USP43: variants seen among roughly 807,000 people sequenced by gnomAD.
The protein encoded by USP43 is ubiquitin carboxyl-terminal hydrolase 43.
USP43 carries 33 observed loss-of-function variants against 90.7 expected under a neutral mutation model. That is an observed-to-expected ratio of 0.36 (90% CI 0.28 to 0.49). The LOEUF (loss-of-function observed/expected upper bound fraction) is 0.49. Among genes scored for constraint, USP43 ranks in the 20% least tolerant of loss-of-function variants. The pLI is 0.98. For missense variants in USP43, 1,274 were observed against 1,476.4 expected, an observed-to-expected ratio of 0.86 and a Z score of 2.25; for synonymous variants, 598 against 615.8, an observed-to-expected ratio of 0.97 and a Z score of 0.43.
At chr17:9,687,387 TG>T (rs1353846465) in intron 8 of USP43, among the ~76,000 whole-genome samples, 4 of 152,212 alleles carry the variant, frequency 2.6e-5, no homozygotes, top group Admixed American at 6.5e-5. Context: ...AAAATTAAAA[TG>T]GATGATTATG....
chr17:9,681,317 T>A (rs1467768404), intron 6 of USP43, among the ~76,000 whole-genome samples: 3 of 108,034 alleles, frequency 2.8e-5, no homozygotes, highest in Non-Finnish European at 5.2e-5. Flanking sequence ...TAAATATATA[T>A]AAATATATAT....
intron 12 of USP43, among the ~76,000 whole-genome samples, chr17:9,708,517 G>A (rs565057402): frequency 8.5e-5 from 13 of 152,284 alleles, no homozygotes; most frequent in South Asian, 4.1e-4. Flanking sequence ...GGTGTGGGGC[G>A]GAACGGAAAA....
intron 1 of USP43, among the ~76,000 whole-genome samples, chr17:9,655,111 G>T (rs1476325324): frequency 4.3e-5 from 3 of 69,734 alleles, no homozygotes; most frequent in Non-Finnish European, 5.9e-5. Context: ...AAAAAAAAAA[G>T]CCCAGACTGC....
intron 12 of USP43, among the ~76,000 whole-genome samples, chr17:9,703,146 A>G (rs371960626): frequency 9.2e-5 from 14 of 151,706 alleles, no homozygotes; most frequent in African/African-American, 2.4e-4. Context: ...TGAGGCCCAT[A>G]TATATATTGG....
Position 9,677,157 on chromosome 17 carries a change from C to T in USP43, c.969+276C>T, listed in dbSNP as rs376298563. ...CAGCAATAGCTACCCCTAGGTAGTG[C>T]TTACTAAGTGTGGGGCACTATTCTG... is the stretch of plus-strand genomic sequence containing the variant. On this transcript the variant is annotated intron_variant, in intron 5 of 14. Coordinates refer to ENST00000285199, the MANE Select transcript of USP43 (RefSeq NM_153210.5). Among the ~76,000 whole-genome samples, 62 of 152,286 alleles carry T rather than the reference C, an allele frequency of 4.1e-4. 1 individual carries two copies. In the East Asian group the frequency reaches 8.7e-3, roughly 21 times the overall value.
At position 9,686,040 on chromosome 17, in the gene USP43, G is replaced by A. The variant is rs770378303; in HGVS notation, c.1242-758G>A. On this transcript the variant is annotated intron_variant, in intron 7 of 14. Transcript: ENST00000285199. The surrounding 1 kb of genome is among the most constrained non-coding windows in gnomAD (Gnocchi z 5.5). ...ACATTAACTTTTTTAGATTCCACAT[G>A]AGGGAGTACATGCAGTATTTATCTT... 3.3e-5 allele frequency among the ~76,000 whole-genome samples: 5 copies of A among 152,090 alleles called. No homozygotes were observed. Among genetic ancestry groups the A allele is most frequent in the Non-Finnish European group, 7.4e-5 (5 of 68,026 alleles).
At chr17:9,710,944 C>T (rs1209525639) in intron 13 of USP43, among the ~76,000 whole-genome samples, 2 of 151,622 alleles carry the variant, frequency 1.3e-5, no homozygotes, top group Non-Finnish European at 2.9e-5. Flanking sequence ...AAAAATTAAG[C>T]AGATTTTCTC....
At chr17:9,675,718 G>A (rs1473009939) in intron 4 of USP43, among the ~76,000 whole-genome samples, 5 of 152,156 alleles carry the variant, frequency 3.3e-5, no homozygotes, top group African/African-American at 4.8e-5. Context: ...GCCTTGCTTG[G>A]CAACTCAATC....
At chr17:9,646,354 G>A (rs117891800) in intron 1 of USP43, among the ~76,000 whole-genome samples, 12 of 152,324 alleles carry the variant, frequency 7.9e-5, no homozygotes, top group Non-Finnish European at 1.8e-4. Flanking sequence ...AGAGGGAGTG[G>A]GGTGAGCTGG....
rs531172211 is a variant in USP43 at position 9,677,213 on chromosome 17, C to T, written c.969+332C>T. 2.0e-5 allele frequency among the ~76,000 whole-genome samples: 3 copies of T among 152,336 alleles called. No individual in the cohort carries two copies. The East Asian group carries it at 5.8e-4, about 29-fold the overall frequency. ...TTTCTATTCATGCCTGATTTAATCA[C>T]AGGCGTCCTGTGAAGTAGACATTAC... is the stretch of plus-strand genomic sequence containing the variant. On this transcript the variant is annotated intron_variant, in intron 5 of 14. Coordinates refer to ENST00000285199, the MANE Select transcript of USP43 (RefSeq NM_153210.5).
chr17:9,726,859 T>A (rs1917298528), intron 14 of USP43, among the ~76,000 whole-genome samples: 1 of 152,222 alleles, frequency 6.6e-6, no homozygotes, highest in South Asian at 2.1e-4. Flanking sequence ...TGTGTTTCAG[T>A]TGCGCCAGGT....
chr17:9,714,943 C>T (rs1916414643), intron 14 of USP43, among the ~76,000 whole-genome samples: 1 of 152,146 alleles, frequency 6.6e-6, no homozygotes, highest in East Asian at 1.9e-4. Context: ...GGTGACTTGC[C>T]AGGAGCATCT....
chr17:9,699,511 T>C (rs536679805), intron 9 of USP43, among the ~76,000 whole-genome samples: 1 of 152,342 alleles, frequency 6.6e-6, no homozygotes, highest in African/African-American at 2.4e-5. Context: ...TTGCAACACA[T>C]TTGAAACACT....
intron 6 of USP43, 101 bp from the exon 7 acceptor site, chr17:9,682,722 A>C (rs779913060): frequency 1.9e-4 from 282 of 1,461,010 alleles, no homozygotes; most frequent in Non-Finnish European, 2.5e-4. Context: ...TTGGTGGTTA[A>C]TAGATGCTCA....
chr17:9,727,808 C>T, intron 14 of USP43, 146 bp from the exon 15 acceptor site: 1 of 861,194 alleles, frequency 1.2e-6, no homozygotes, highest in South Asian at 1.9e-5. Flanking sequence ...TCCCCAAAGG[C>T]AGGAACCCTA....
chr17:9,724,758 C>A (rs1567686803), intron 14 of USP43, among the ~76,000 whole-genome samples: 1 of 152,182 alleles, frequency 6.6e-6, no homozygotes, highest in Non-Finnish European at 1.5e-5. Flanking sequence ...AAGACAGGTG[C>A]ACCATATTCT....
intron 14 of USP43, among the ~76,000 whole-genome samples, chr17:9,717,801 A>ATTTT (rs3066742): frequency 0.046 from 6,495 of 142,482 alleles, 228 homozygotes; most frequent in East Asian, 0.19. Context: ...TATAGCTCAC[A>ATTTT]TTTTTTTTTT....
Position 9,728,061 on chromosome 17 carries a change from C to T in USP43, c.2443C>T (p.Leu815=), listed in dbSNP as rs911139242. The part of the protein sequence containing the change: ...AKQGPFKTMP[L]RWSFGSKEKP... Reference sequence around the variant, plus strand: ...GCAGGGACCATTCAAGACCATGCCTCTGCGGTGGTCCTTTGGATCCAAGGA... The same window carrying T: ...GCAGGGACCATTCAAGACCATGCCTTTGCGGTGGTCCTTTGGATCCAAGGA... Residue 815 remains leucine (L), a synonymous_variant, in exon 15 of 15, where the codon CTG becomes TTG. Transcript: ENST00000285199. This position sits in a 1 kb window ranked among gnomAD's most constrained non-coding sequence, Gnocchi z 6.2. 3.1e-6 allele frequency: 5 copies of T among 1,613,960 alleles called. No homozygotes were observed. In the South Asian group the frequency reaches 5.5e-5, roughly 18 times the overall value.
Position 9,712,146 on chromosome 17 carries a change from A to G in USP43, c.2335+14A>G, listed in dbSNP as rs746168121. 6.5e-7 allele frequency: 1 copy of G among 1,548,388 alleles called. No individual in the cohort carries two copies. The highest frequency in any genetic ancestry group is 8.7e-7 in the Non-Finnish European group (1 of 1,143,920). On this transcript the variant is annotated intron_variant, in intron 14 of 14. Transcript: ENST00000285199. Reference sequence around the variant, plus strand: ...ATCAGGAAAAGGGTATGTTGGTTAAATGTGCTTGGTTGATTTTCATTTTCT... The same window carrying G: ...ATCAGGAAAAGGGTATGTTGGTTAAGTGTGCTTGGTTGATTTTCATTTTCT...
Sources: gnomAD v4.1 joint callset for allele counts (sites outside exome capture counted in the v4.1 genomes callset) on GRCh38, gnomAD v4.1.1 for gene constraint, Gnocchi (gnomAD v3.1) non-coding constraint, MANE v1.5 for transcripts, NCBI Gene and HGNC (gene_info 2026-07-23, HGNC 2026-07-21) for gene names.